Variants in PHTF2 observed in about 807,000 individuals in gnomAD.
PHTF2 encodes putative homeodomain transcription factor 2.
PHTF2 carries 60 observed loss-of-function variants against 101.2 expected under a neutral mutation model. That is an observed-to-expected ratio of 0.59 (90% CI 0.48 to 0.73). PHTF2 has a LOEUF of 0.73. Among genes scored for constraint, PHTF2 ranks in the 30% least tolerant of loss-of-function variants. The probability of loss-of-function intolerance (pLI) is 0.00; values close to 1 mark genes in which losing one functional copy is unlikely to be tolerated. For synonymous variants in PHTF2, 311 were observed against 307.3 expected (o/e 1.01, Z -0.13); for missense variants, 747 against 908.7 (o/e 0.82, Z 2.29).
At chr7:77,916,820 A>C (rs1478797640) in intron 9 of PHTF2, among the ~76,000 whole-genome samples, 3 of 152,204 alleles carry the variant, frequency 2.0e-5, no homozygotes, top group African/African-American at 7.2e-5. Flanking sequence ...CTTAGGGAAT[A>C]ATGACAAGAA....
At chr7:77,834,153 A>G (rs1795269216) in intron 1 of PHTF2, among the ~76,000 whole-genome samples, 1 of 151,924 alleles carries the variant, frequency 6.6e-6, no homozygotes, top group Non-Finnish European at 1.5e-5. Flanking sequence ...TGTCTGCTAA[A>G]ATTAAAAAAA....
rs764239937 is a variant in PHTF2, at chr7:77,949,685, A to T, written c.1967A>T (p.His656Leu). 6 of 1,559,828 alleles carry T rather than the reference A, an allele frequency of 3.8e-6. No homozygotes were observed. The Admixed American group carries it at 1.1e-4, about 29-fold the overall frequency. Residue 656 changes from histidine to leucine, a missense_variant, in exon 17 of 20, where the codon CAT (histidine) becomes CTT (leucine). Coordinates refer to ENST00000416283, the Ensembl canonical transcript of PHTF2. ...CCTTTTTCATACTTTTAGCTACTTC[A>T]TGTACACGAGATCTTCCTTGATTGT... is the stretch of plus-strand genomic sequence containing the variant.
intron 3 of PHTF2, among the ~76,000 whole-genome samples, chr7:77,893,230 T>C (rs957187257): frequency 6.6e-6 from 1 of 152,128 alleles, no homozygotes; most frequent in East Asian, 1.9e-4. Flanking sequence ...AGTTTTTTGT[T>C]TTTTTTCTGA....
At chr7:77,908,726 T>C in intron 7 of PHTF2, 67 bp from the exon 7 acceptor site, 1 of 1,028,790 alleles carries the variant, frequency 9.7e-7, no homozygotes, top group Non-Finnish European at 1.3e-6. Context: ...GTAAAAACAA[T>C]TTTAAAAGTT....
chr7:77,904,315 C>A (rs1400703796), intron 7 of PHTF2, among the ~76,000 whole-genome samples: 1 of 152,132 alleles, frequency 6.6e-6, no homozygotes, highest in Non-Finnish European at 1.5e-5. Context: ...TTAGTCAATC[C>A]TCTATGTTCT....
At chr7:77,931,625 G>C (rs1804577492) in intron 12 of PHTF2, among the ~76,000 whole-genome samples, 1 of 152,136 alleles carries the variant, frequency 6.6e-6, no homozygotes, top group Non-Finnish European at 1.5e-5. Context: ...ATGTTTGTTT[G>C]TACAGCTACT....
At chr7:77,821,746 A>C (rs1413435816) in intron 1 of PHTF2, among the ~76,000 whole-genome samples, 1 of 151,584 alleles carries the variant, frequency 6.6e-6, no homozygotes, top group Non-Finnish European at 1.5e-5. Context: ...TGGGATGCAG[A>C]TGCAAGGCTG....
intron 2 of PHTF2, among the ~76,000 whole-genome samples, chr7:77,840,657 G>A (rs1026308762): frequency 3.3e-5 from 5 of 151,930 alleles, no homozygotes; most frequent in East Asian, 1.9e-4. Context: ...TTTGTTTCTT[G>A]TAAGTTACAA....
chr7:77,927,843 A>G (rs1226574202), intron 11 of PHTF2, among the ~76,000 whole-genome samples: 1 of 152,216 alleles, frequency 6.6e-6, no homozygotes, highest in Admixed American at 6.5e-5. Flanking sequence ...GAAGTAGCCT[A>G]CTGTCACTGG....
At chr7:77,953,886 A>G in exon 19 of PHTF2, 14 of 1,613,078 alleles carry the variant, frequency 8.7e-6, no homozygotes, top group Non-Finnish European at 1.2e-5. Flanking sequence ...GCTTGGATTT[A>G]ATTTAAAGGT....
intron 16 of PHTF2, among the ~76,000 whole-genome samples, chr7:77,943,875 G>A (rs967542491): frequency 3.9e-4 from 59 of 151,892 alleles, no homozygotes; most frequent in South Asian, 8.3e-4. Flanking sequence ...AAAATTAGCC[G>A]GGCATGGTGG....
intron 3 of PHTF2, among the ~76,000 whole-genome samples, chr7:77,860,630 A>C (rs1032876350): frequency 1.3e-5 from 2 of 152,238 alleles, no homozygotes; most frequent in Non-Finnish European, 2.9e-5. Context: ...AAATACTGCT[A>C]TAGCACTTCC....
intron 7 of PHTF2, chr7:77,906,247 A>G (rs1801848084): frequency 6.6e-6 from 1 of 152,178 alleles, no homozygotes; most frequent in African/African-American, 2.4e-5. Flanking sequence ...CAGCCTTCCA[A>G]AGTGCTGAGA....
At chr7:77,824,070 G>T (rs1320551349) in intron 1 of PHTF2, among the ~76,000 whole-genome samples, 1 of 152,024 alleles carries the variant, frequency 6.6e-6, no homozygotes, top group Non-Finnish European at 1.5e-5. Context: ...AAGTTTGGAG[G>T]TATGACAAAT....
chr7:77,947,690 T>C (rs1806174426), intron 16 of PHTF2, among the ~76,000 whole-genome samples: 1 of 152,032 alleles, frequency 6.6e-6, no homozygotes, highest in Non-Finnish European at 1.5e-5. Context: ...AACAGAATGC[T>C]TTGTTTATTT....
chr7:77,949,705 G>C, exon 17 of PHTF2: 1 of 1,575,950 alleles, frequency 6.3e-7, no homozygotes, highest in Non-Finnish European at 8.7e-7. Context: ...GATCTTCCTT[G>C]ATTGTCACTA....
At chr7:77,889,577 CTTTTTTTTTTT>C (rs1167785916) in intron 3 of PHTF2, among the ~76,000 whole-genome samples, 1 of 117,922 alleles carries the variant, frequency 8.5e-6, no homozygotes, top group Non-Finnish European at 1.8e-5. Flanking sequence ...GTAGTATTTT[CTTTTTTTTTTT>C]TTTTCCTTTT....
chr7:77,929,113 C>T, exon 12 of PHTF2: 1 of 1,611,552 alleles, frequency 6.2e-7, no homozygotes, highest in Non-Finnish European at 8.5e-7. Context: ...TTTCAGGACG[C>T]CCCTAAATCG....
chr7:77,805,846 A>C (rs1584343655), intron 1 of PHTF2, among the ~76,000 whole-genome samples: 1 of 152,222 alleles, frequency 6.6e-6, no homozygotes, highest in Non-Finnish European at 1.5e-5. Flanking sequence ...TGATTCATTC[A>C]CACTTGAAAA....
Sources: gnomAD v4.1 joint callset for allele counts (sites outside exome capture counted in the v4.1 genomes callset) on GRCh38, gnomAD v4.1.1 for gene constraint, MANE v1.5 for transcripts, NCBI Gene and HGNC (gene_info 2026-07-23, HGNC 2026-07-21) for gene names.